Variants in UNC13C observed in about 807,000 individuals in gnomAD.
UNC13C encodes the protein unc-13 homolog C.
UNC13C carries 174 observed loss-of-function variants against 245.4 expected under a neutral mutation model. That is an observed-to-expected ratio of 0.71 (90% CI 0.63 to 0.80). UNC13C has a LOEUF of 0.80. Ranked by LOEUF, UNC13C falls within the 30% of genes least tolerant of loss-of-function variation. UNC13C has a pLI of 0.00. For missense variants in UNC13C, 2,829 were observed against 2,602.9 expected, an observed-to-expected ratio of 1.09 and a Z score of -1.89; for synonymous variants, 992 against 895.1, an observed-to-expected ratio of 1.11 and a Z score of -1.93.
chr15:53,971,088 G>T, the UNC13C span, among the ~76,000 whole-genome samples: 2 of 152,118 alleles, frequency 1.3e-5, no homozygotes, highest in Non-Finnish European at 2.9e-5. Context: ...GTTTTGATAC[G>T]CATTTCTCTA....
chr15:54,584,664 G>T (rs773467124), intron 30 of UNC13C, among the ~76,000 whole-genome samples: 3 of 152,242 alleles, frequency 2.0e-5, no homozygotes, highest in Non-Finnish European at 4.4e-5. Context: ...AAGTGTTACA[G>T]TCCATTTACA....
At chr15:54,125,629 A>C (rs1392659179) in intron 2 of UNC13C, among the ~76,000 whole-genome samples, 3 of 152,148 alleles carry the variant, frequency 2.0e-5, no homozygotes, top group Non-Finnish European at 4.4e-5. Flanking sequence ...TCAGTGTAAT[A>C]GGGAGTGTAA....
chr15:54,224,286 C>A (rs567777961), intron 4 of UNC13C, among the ~76,000 whole-genome samples: 1 of 152,110 alleles, frequency 6.6e-6, no homozygotes, highest in South Asian at 2.1e-4. Context: ...ATTTTTGGCA[C>A]TTTTAATGTG....
At chr15:53,877,041 A>C in the UNC13C span, among the ~76,000 whole-genome samples, 1 of 152,286 alleles carries the variant, frequency 6.6e-6, no homozygotes, top group African/African-American at 2.4e-5. Context: ...TTGATCTAAG[A>C]TCCATCAACT....
Position 54,526,953 on chromosome 15 carries a change from T to A in UNC13C, c.5546+1316T>A, listed in dbSNP as rs566323167. Among the ~76,000 whole-genome samples, 13 of 152,222 alleles carry A rather than the reference T, an allele frequency of 8.5e-5. No homozygotes were observed. In the South Asian group the frequency reaches 2.7e-3, roughly 32 times the overall value. On this transcript the variant is annotated intron_variant, in intron 25 of 32. Transcript: ENST00000260323. ...AGGAATAAAGCAGAGTGAAGAATAA[T>A]CTCCCACTTAGCCTTCTCTTCATTA...
intron 4 of UNC13C, among the ~76,000 whole-genome samples, chr15:54,171,964 A>G (rs1252549768): frequency 1.3e-5 from 2 of 152,112 alleles, no homozygotes; most frequent in Admixed American, 6.5e-5. Context: ...GTTACCATGG[A>G]TGCCAGTGGA....
intron 2 of UNC13C, among the ~76,000 whole-genome samples, chr15:54,100,338 AAC>A (rs1187401415): frequency 6.6e-6 from 1 of 152,086 alleles, no homozygotes; most frequent in African/African-American, 2.4e-5. Flanking sequence ...TTCACAGCAT[AAC>A]TGGTTACTCT....
intron 26 of UNC13C, among the ~76,000 whole-genome samples, chr15:54,545,957 A>T (rs1471379038): frequency 2.0e-5 from 3 of 152,158 alleles, no homozygotes; most frequent in African/African-American, 7.2e-5. Context: ...TGACCCAGCA[A>T]TCCCATTACT....
chr15:54,242,301 G>T (rs2035874847), intron 7 of UNC13C, among the ~76,000 whole-genome samples: 1 of 151,982 alleles, frequency 6.6e-6, no homozygotes. Context: ...GTAATTTTTT[G>T]ACTGTTGAAT....
chr15:54,602,826 G>A lies in UNC13C; in HGVS notation c.6107-19501G>A, dbSNP rs946562601. 8.8e-4 allele frequency among the ~76,000 whole-genome samples: 10 copies of A among 11,340 alleles called. No homozygotes were observed. In the African/African-American group the frequency reaches 0.024, roughly 27 times the overall value. The allele number at this position is 11,340 out of a possible 152,430, so 7.4% of individuals were successfully genotyped here. A position where few individuals can be genotyped will look rare whatever the true frequency, so the allele number is the denominator to read the frequency against. On this transcript the variant is annotated intron_variant, in intron 30 of 32. Coordinates refer to ENST00000260323, the MANE Select transcript of UNC13C (RefSeq NM_001080534.3). Reference sequence around the variant, plus strand: ...TTTTCATGCCCAAGATTGGATCCTTGGACATCAGTTTCACTTGTTCATTTT... The same window carrying A: ...TTTTCATGCCCAAGATTGGATCCTTAGACATCAGTTTCACTTGTTCATTTT...
the UNC13C span, among the ~76,000 whole-genome samples, chr15:53,873,923 T>TTC: frequency 5.7e-4 from 27 of 47,606 alleles, 1 homozygote; most frequent in South Asian, 1.1e-3. Context: ...TTCCTTCCTT[T>TTC]CTTCCTTCCT....
intron 19 of UNC13C, among the ~76,000 whole-genome samples, chr15:54,474,368 T>C (rs1892615163): frequency 6.6e-6 from 1 of 152,074 alleles, no homozygotes; most frequent in African/African-American, 2.4e-5. Context: ...ATAGCCATTC[T>C]AACTGAAGTG....
chr15:53,973,160 C>CA, the UNC13C span, among the ~76,000 whole-genome samples: 2 of 152,156 alleles, frequency 1.3e-5, no homozygotes, highest in African/African-American at 2.4e-5. Context: ...AACTCTGAAT[C>CA]AAAGAATGGC....
chr15:54,445,237 C>A (rs1596385717), intron 19 of UNC13C, among the ~76,000 whole-genome samples: 3 of 152,180 alleles, frequency 2.0e-5, no homozygotes, highest in African/African-American at 7.2e-5. Flanking sequence ...TGGGTTGGAT[C>A]CAAGTCTTTG....
At chr15:54,222,986 G>T (rs1286526324) in intron 4 of UNC13C, among the ~76,000 whole-genome samples, 1 of 151,848 alleles carries the variant, frequency 6.6e-6, no homozygotes, top group Non-Finnish European at 1.5e-5. Context: ...TGTGTATTCT[G>T]GTTATTAATC....
rs879002251 is a variant in UNC13C at position 54,293,842 on chromosome 15, T to A, written c.3819-53T>A. ...TAGAAAATAAAGTACTAACATCAAA[T>A]GGAATTTAGAGCAGTTTTCAATTGT... On this transcript the variant is annotated intron_variant, in intron 10 of 32. Coordinates refer to ENST00000260323, the MANE Select transcript of UNC13C (RefSeq NM_001080534.3). 6 of 1,402,906 alleles carry A rather than the reference T, an allele frequency of 4.3e-6. No homozygotes were observed. The South Asian group carries it at 8.2e-5, about 19-fold the overall frequency. 86.9% of individuals were successfully genotyped at this position (1,402,906 alleles called of 1,614,324 possible). A position where few individuals can be genotyped will look rare whatever the true frequency, so the allele number is the denominator to read the frequency against.
rs1179574814 is a variant in UNC13C at position 54,075,449 on chromosome 15, CGGAGCTTGCAGTGAG to C, written c.2983+59564_2983+59578del. 9.0e-5 allele frequency among the ~76,000 whole-genome samples: 13 copies of C among 144,226 alleles called. 1 individual carries two copies. The highest frequency in any genetic ancestry group is 9.0e-4 in the South Asian group (4 of 4,450). The allele number at this position is 144,226 out of a possible 152,430, so 94.6% of individuals were successfully genotyped here. A position where few individuals can be genotyped will look rare whatever the true frequency, so the allele number is the denominator to read the frequency against. ...CAGTGAGCCGGAGCTTGCAGTGAGC[CGGAGCTTGCAGTGAG>C]CCGGAGCTTGCAGTGAGCCGGAGCT... is the stretch of plus-strand genomic sequence containing the variant. On this transcript the variant is annotated intron_variant, in intron 2 of 32. Transcript: ENST00000260323.
intron 30 of UNC13C, among the ~76,000 whole-genome samples, chr15:54,611,797 A>C (rs576783808): frequency 1.8e-4 from 28 of 152,288 alleles, no homozygotes; most frequent in Non-Finnish European, 3.8e-4. Context: ...AAACAATAGA[A>C]AATACAGAGT....
At chr15:54,264,781 C>G (rs2036512044) in intron 9 of UNC13C, among the ~76,000 whole-genome samples, 1 of 151,754 alleles carries the variant, frequency 6.6e-6, no homozygotes, top group Non-Finnish European at 1.5e-5. Context: ...CATCCCTCAT[C>G]CATTTGGTCC....
Sources: allele counts gnomAD v4.1 joint callset (sites outside exome capture counted in the v4.1 genomes callset), GRCh38; gene constraint gnomAD v4.1.1; transcripts MANE v1.5; gene names NCBI Gene and HGNC (gene_info 2026-07-23, HGNC 2026-07-21).